NEXMIF: variants seen among roughly 807,000 people sequenced by gnomAD.
NEXMIF encodes the protein neurite extension and migration factor, also known as XLMR protein related to neurite extension.
NEXMIF carries 8 observed loss-of-function variants against 62.1 expected under a neutral mutation model. The observed-to-expected ratio is 0.13, with a 90% confidence interval of 0.08 to 0.23. The LOEUF (loss-of-function observed/expected upper bound fraction) is 0.23. Among genes scored for constraint, NEXMIF ranks in the 10% least tolerant of loss-of-function variants. NEXMIF has a pLI of 1.00. For missense variants in NEXMIF, 976 were observed against 1,113.3 expected (o/e 0.88, Z 1.75); for synonymous variants, 404 against 416.6 (o/e 0.97, Z 0.37).
chrX:74,773,778 G>A (rs925924693), intron 1 of NEXMIF, among the ~76,000 whole-genome samples: 25 of 107,230 alleles, frequency 2.3e-4, no homozygotes, highest in Non-Finnish European at 1.9e-5. Flanking sequence ...GCATAGTGGC[G>A]GGCGCCTGTA....
At chrX:74,921,345 G>T (rs962665083) in intron 1 of NEXMIF, among the ~76,000 whole-genome samples, 1 of 110,801 alleles carries the variant, frequency 9.0e-6, no homozygotes, top group Admixed American at 9.6e-5. Flanking sequence ...CCCAACTGAC[G>T]ACACCCCAGA....
At chrX:74,826,897 A>C (rs1222801361) in intron 1 of NEXMIF, among the ~76,000 whole-genome samples, 1 of 111,617 alleles carries the variant, frequency 9.0e-6, no homozygotes, top group East Asian at 2.8e-4. Flanking sequence ...TGGGAGGATT[A>C]ATTCCTCTTG....
intron 1 of NEXMIF, among the ~76,000 whole-genome samples, chrX:74,778,557 C>T (rs1372910883): frequency 8.9e-6 from 1 of 111,846 alleles, no homozygotes. Context: ...CCCTGTGAAG[C>T]AGGTAGGAAT....
chrX:74,858,004 T>C (rs957007314), intron 1 of NEXMIF, among the ~76,000 whole-genome samples: 1 of 112,100 alleles, frequency 8.9e-6, no homozygotes, highest in Admixed American at 9.4e-5. Context: ...TGCAATATAA[T>C]AGAACACCAG....
intron 1 of NEXMIF, among the ~76,000 whole-genome samples, chrX:74,817,378 C>T (rs770913857): frequency 2.1e-4 from 23 of 111,356 alleles, no homozygotes; most frequent in Middle Eastern, 4.6e-3. Flanking sequence ...ACCCATCTTC[C>T]GGAAGACTAA....
At chrX:74,863,599 A>G (rs954919287) in intron 1 of NEXMIF, among the ~76,000 whole-genome samples, 1 of 111,917 alleles carries the variant, frequency 8.9e-6, no homozygotes, top group African/African-American at 3.2e-5. Context: ...CCCTGAATAG[A>G]CCAATAACAA....
At chrX:74,813,748 C>T (rs775426903) in intron 1 of NEXMIF, among the ~76,000 whole-genome samples, 1 of 111,931 alleles carries the variant, frequency 8.9e-6, no homozygotes, top group Non-Finnish European at 1.9e-5. Flanking sequence ...CCAGTATCAC[C>T]AATACTCAGT....
intron 1 of NEXMIF, among the ~76,000 whole-genome samples, chrX:74,829,114 T>C (rs781505961): frequency 7.7e-4 from 87 of 112,318 alleles, no homozygotes; most frequent in African/African-American, 2.8e-3. Context: ...ACATGAGATA[T>C]TTTAATACAT....
In NEXMIF at chrX:74,794,948, C is replaced by T. The variant is rs747256289; in HGVS notation, c.-47-49251G>A. ...AAATCACCGTCTTCTGTGTTGCTCA[C>T]GCTGGGAGCTGTAGACTGGAGCTGT... is the stretch of plus-strand genomic sequence containing the variant. On this transcript the variant is annotated intron_variant, in intron 1 of 3. Transcript: ENST00000055682. Among the ~76,000 whole-genome samples the T allele has an allele frequency of 3.2e-3, 360 of 111,997 alleles. 2 individuals are homozygous for T. Among genetic ancestry groups the T allele is most frequent in the African/African-American group, 0.011 (341 of 30,858 alleles).
rs778493863 is a variant in NEXMIF at position 74,875,969 on chromosome X, A to C, written c.-48+48914T>G. 2.7e-4 allele frequency among the ~76,000 whole-genome samples: 30 copies of C among 110,625 alleles called. No individual in the cohort carries two copies. In the South Asian group the frequency reaches 0.012, roughly 43 times the overall value. ...AGCTCCTAGATTCATTAATTTTTTG[A>C]AGGTTTTTTTGTGTCTCTATTTCCT... On this transcript the variant is annotated intron_variant, in intron 1 of 3. Coordinates refer to ENST00000055682, the MANE Select transcript of NEXMIF (RefSeq NM_001008537.3).
intron 1 of NEXMIF, among the ~76,000 whole-genome samples, chrX:74,752,170 T>G (rs1439300020): frequency 8.9e-6 from 1 of 111,828 alleles, no homozygotes; most frequent in Non-Finnish European, 1.9e-5. Flanking sequence ...CATGCAAGAA[T>G]AAATTCTGAT....
At chrX:74,819,435 A>G (rs2080387112) in intron 1 of NEXMIF, among the ~76,000 whole-genome samples, 1 of 112,244 alleles carries the variant, frequency 8.9e-6, no homozygotes, top group Non-Finnish European at 1.9e-5. Context: ...TAATCTACCC[A>G]TCTGACAAAG....
intron 1 of NEXMIF, among the ~76,000 whole-genome samples, chrX:74,842,740 T>C (rs781460872): frequency 3.6e-5 from 4 of 112,346 alleles, no homozygotes; most frequent in African/African-American, 1.3e-4. Flanking sequence ...CCAAAAGTCA[T>C]TCAGGAGCAT....
chrX:74,750,373 T>C (rs2080138282), intron 1 of NEXMIF, among the ~76,000 whole-genome samples: 1 of 111,692 alleles, frequency 9.0e-6, no homozygotes, highest in African/African-American at 3.3e-5. Context: ...GCCAGGATCT[T>C]CTTGGGAATA....
chrX:74,832,421 T>C (rs1353879671), intron 1 of NEXMIF, among the ~76,000 whole-genome samples: 1 of 111,757 alleles, frequency 8.9e-6, no homozygotes, highest in Non-Finnish European at 1.9e-5. Context: ...GGTGATCCTT[T>C]ACATTCCCGT....
chrX:74,867,854 A>G (rs901406354), intron 1 of NEXMIF, among the ~76,000 whole-genome samples: 3 of 112,290 alleles, frequency 2.7e-5, no homozygotes, highest in African/African-American at 9.7e-5. Flanking sequence ...GACAACCTAC[A>G]GAATGGGAGA....
In NEXMIF at chrX:74,817,781, C is replaced by A. The variant is rs184802750; in HGVS notation, c.-47-72084G>T. Among the ~76,000 whole-genome samples, 368 of 111,565 alleles carry A rather than the reference C, an allele frequency of 3.3e-3. 2 individuals carry two copies. Among genetic ancestry groups the A allele is most frequent in the African/African-American group, 0.011 (351 of 30,703 alleles). On this transcript the variant is annotated intron_variant, in intron 1 of 3. Coordinates refer to ENST00000055682, the MANE Select transcript of NEXMIF (RefSeq NM_001008537.3). Reference sequence around the variant, plus strand: ...AATCTTCCTACAATTCCATTTTCCTCATAATAGTCTTATTCTCTTTACTTC... The same window carrying A: ...AATCTTCCTACAATTCCATTTTCCTAATAATAGTCTTATTCTCTTTACTTC...
rs1011265385 is a variant in NEXMIF, at chrX:74,847,204, G to C, written c.-48+77679C>G. On this transcript the variant is annotated intron_variant, in intron 1 of 3. Transcript: ENST00000055682. ...GAGGCTTCATAAGTCTGGGTTTTCA[G>C]TTCAGGTTAAGAGAGAAGATGAATT... 8.0e-5 allele frequency among the ~76,000 whole-genome samples: 9 copies of C among 112,431 alleles called. 1 individual carries two copies. The Admixed American group carries it at 8.5e-4, about 11-fold the overall frequency.
rs2080088864 is a variant in NEXMIF, at chrX:74,737,582, G to A, written c.*1823C>T. 1 of 111,103 alleles carries A rather than the reference G, an allele frequency of 9.0e-6. No individual in the cohort carries two copies. The highest frequency in any genetic ancestry group is 1.9e-5 in the Non-Finnish European group (1 of 52,919). 9.2% of individuals were successfully genotyped at this position (111,103 alleles called of 1,213,427 possible). ...AAGAACACAGGCTTGTTCATTTTACGACCCAGCTGTAAGGAATAGAGCAGG... is the reference window on the plus strand; with the variant it reads ...AAGAACACAGGCTTGTTCATTTTACAACCCAGCTGTAAGGAATAGAGCAGG... On this transcript the variant is annotated 3_prime_UTR_variant, in exon 4 of 4. Coordinates refer to ENST00000055682, the MANE Select transcript of NEXMIF (RefSeq NM_001008537.3).
Sources: gnomAD v4.1 joint callset for allele counts (sites outside exome capture counted in the v4.1 genomes callset) on GRCh38, gnomAD v4.1.1 for gene constraint, MANE v1.5 for transcripts, NCBI Gene and HGNC (gene_info 2026-07-23, HGNC 2026-07-21) for gene names.